The following KIF6 variants were observed in gnomAD, a reference collection of about 807,000 sequenced individuals.
The protein encoded by KIF6 is kinesin family member 6.
In KIF6, 106 loss-of-function variants were observed where a neutral mutation model predicts 112.7. The observed-to-expected ratio is 0.94, with a 90% confidence interval of 0.80 to 1.11. The LOEUF is 1.11. KIF6 is among the 50% of genes least tolerant of loss of function. KIF6 has a pLI of 0.00. For missense variants in KIF6, 929 were observed against 964.0 expected, an observed-to-expected ratio of 0.96 and a Z score of 0.48; for synonymous variants, 339 against 339.9, an observed-to-expected ratio of 1.00 and a Z score of 0.03.
rs575243391 is a variant in KIF6, at chr6:39,605,559, G to T, written c.639+7630C>A. ...ACAGGTAATGATAACACACCAAGGA[G>T]AATTTAGATATCCATTTGTATCATT... is the stretch of plus-strand genomic sequence containing the variant. On this transcript the variant is annotated intron_variant, in intron 6 of 22. Transcript: ENST00000287152. 5.6e-4 allele frequency among the ~76,000 whole-genome samples: 85 copies of T among 152,082 alleles called. No individual in the cohort carries two copies. The South Asian group carries it at 0.016, about 29-fold the overall frequency.
rs1762775775 is a variant in KIF6 at position 39,332,386 on chromosome 6, A to G, written c.*4146T>C. ...CTGGTTTCTTTTTGGTTTGTTTTTC[A>G]TATTCCTTTAGATATTTTGAAGCTT... is the stretch of plus-strand genomic sequence containing the variant. On this transcript the variant is annotated 3_prime_UTR_variant, in exon 23 of 23. Transcript: ENST00000287152. 1.3e-5 allele frequency: 2 copies of G among 151,892 alleles called. No homozygotes were observed. The highest frequency in any genetic ancestry group is 1.3e-4 in the Admixed American group (2 of 15,246). The allele number at this position is 151,892 out of a possible 1,614,324, so 9.4% of individuals were successfully genotyped here.
At chr6:39,605,024 A>C (rs1782807502) in intron 6 of KIF6, among the ~76,000 whole-genome samples, 1 of 152,146 alleles carries the variant, frequency 6.6e-6, no homozygotes, top group Non-Finnish European at 1.5e-5. Flanking sequence ...ATTGTGGTAC[A>C]TATGGGAAAC....
chr6:39,350,012 G>A (rs1764118907), intron 19 of KIF6, among the ~76,000 whole-genome samples: 1 of 152,130 alleles, frequency 6.6e-6, no homozygotes, highest in African/African-American at 2.4e-5. Flanking sequence ...GGGCCTCAGT[G>A]TCCTCATTTA....
In KIF6 at chr6:39,725,263, G is replaced by T. The variant is rs1420799866; in HGVS notation, c.48C>A (p.Val16=). ...CCCGTACCCCTTGTTGGTGCTTCCGGACAGGGGGCTTCACCCTCGCGAATA... is the reference window on the plus strand; with the variant it reads ...CCCGTACCCCTTGTTGGTGCTTCCGTACAGGGGGCTTCACCCTCGCGAATA... The part of the protein sequence containing the change: ...IQIFARVKPP[V]RKHQQGIYSI... Residue 16 remains valine, a synonymous_variant, in exon 1 of 23, where the codon GTC becomes GTA. Transcript: ENST00000287152. 6.2e-7 allele frequency: 1 copy of T among 1,610,116 alleles called. No individual in the cohort carries two copies. The highest frequency in any genetic ancestry group is 1.3e-5 in the African/African-American group (1 of 74,236).
In KIF6 at chr6:39,345,713, G is replaced by C; in HGVS notation, c.2308C>G (p.Pro770Ala). The change falls in exon 21 of 23, where the codon CCA (proline) becomes GCA (alanine). Residue 770 changes from proline to alanine, a missense_variant. Coordinates refer to ENST00000287152, the MANE Select transcript of KIF6 (RefSeq NM_145027.6). ...HSQKQSSTST[P>A]LEDSIPKRPV... ...AAGACCACAGACCTGTCTTCCAGTG[G>C]GGTGCTGGTGCTGCTCTGTTTCTGG... The C allele has an allele frequency of 6.2e-7, 1 of 1,613,450 alleles. No homozygotes were observed. The highest frequency in any genetic ancestry group is 8.5e-7 in the Non-Finnish European group (1 of 1,179,790).
chr6:39,696,070 T>C (rs1357311051), intron 3 of KIF6, among the ~76,000 whole-genome samples: 1 of 152,058 alleles, frequency 6.6e-6, no homozygotes, highest in Non-Finnish European at 1.5e-5. Flanking sequence ...AAGTGGGAGC[T>C]AGGCATTGGG....
At chr6:39,419,281 G>A (rs1373590300) in intron 15 of KIF6, among the ~76,000 whole-genome samples, 3 of 150,986 alleles carry the variant, frequency 2.0e-5, no homozygotes, top group Non-Finnish European at 4.4e-5. Flanking sequence ...TTGAACCTGG[G>A]AGGTGGAGGT....
intron 15 of KIF6, among the ~76,000 whole-genome samples, chr6:39,414,179 G>A (rs916576970): frequency 2.0e-5 from 3 of 152,102 alleles, no homozygotes; most frequent in Middle Eastern, 3.4e-3. Flanking sequence ...TCTGGTCCCC[G>A]ATGACTCCTC....
intron 12 of KIF6, among the ~76,000 whole-genome samples, chr6:39,542,864 C>T (rs1778863107): frequency 6.6e-6 from 1 of 152,172 alleles, no homozygotes; most frequent in Non-Finnish European, 1.5e-5. Flanking sequence ...GCTAGGATTT[C>T]AATCCAGGTA....
At chr6:39,354,990 C>A (rs1402337689) in intron 19 of KIF6, among the ~76,000 whole-genome samples, 2 of 152,112 alleles carry the variant, frequency 1.3e-5, no homozygotes, top group Non-Finnish European at 2.9e-5. Flanking sequence ...CCAGCCTGGG[C>A]AACATGGTGA....
At chr6:39,376,497 A>G (rs550597164) in intron 16 of KIF6, among the ~76,000 whole-genome samples, 1 of 152,362 alleles carries the variant, frequency 6.6e-6, no homozygotes, top group East Asian at 1.9e-4. Context: ...TTACAGATGT[A>G]GAAACCTGAG....
At chr6:39,359,044 AT>A (rs1315890710) in intron 18 of KIF6, among the ~76,000 whole-genome samples, 1 of 152,168 alleles carries the variant, frequency 6.6e-6, no homozygotes, top group Non-Finnish European at 1.5e-5. Context: ...TATCTCGTGT[AT>A]TTAATTTTAT....
chr6:39,719,413 T>C (rs956017891), intron 2 of KIF6, among the ~76,000 whole-genome samples: 1 of 152,030 alleles, frequency 6.6e-6, no homozygotes, highest in East Asian at 1.9e-4. Context: ...AAGGCAGGAA[T>C]AGTCTCAAAA....
chr6:39,487,778 A>G (rs954680055), intron 13 of KIF6, among the ~76,000 whole-genome samples: 1 of 152,190 alleles, frequency 6.6e-6, no homozygotes, highest in Admixed American at 6.5e-5. Flanking sequence ...AGATGTGATT[A>G]TTTCTATCTT....
intron 5 of KIF6, among the ~76,000 whole-genome samples, chr6:39,628,157 T>C (rs891299977): frequency 6.6e-6 from 1 of 152,106 alleles, no homozygotes; most frequent in Non-Finnish European, 1.5e-5. Context: ...CTTGCAAAAC[T>C]ATAGTATTAA....
chr6:39,557,782 G>A lies in KIF6; in HGVS notation c.1182-12094C>T, dbSNP rs190119431. 5.9e-5 allele frequency among the ~76,000 whole-genome samples: 9 copies of A among 151,662 alleles called. No homozygotes were observed. The East Asian group carries it at 9.7e-4, about 16-fold the overall frequency. On this transcript the variant is annotated intron_variant, in intron 10 of 22. Coordinates refer to ENST00000287152, the MANE Select transcript of KIF6 (RefSeq NM_145027.6). ...TACACATATACAGATATAGAAAGAC[G>A]TCACAATTAAATGAAAAACACAAGT...
At chr6:39,716,141 G>C (rs1789836299) in intron 2 of KIF6, among the ~76,000 whole-genome samples, 1 of 152,176 alleles carries the variant, frequency 6.6e-6, no homozygotes, top group Non-Finnish European at 1.5e-5. Flanking sequence ...AAAGAAGGCA[G>C]TGAATCACAC....
chr6:39,396,345 A>G (rs1435613577), intron 15 of KIF6, among the ~76,000 whole-genome samples: 1 of 152,158 alleles, frequency 6.6e-6, no homozygotes, highest in Non-Finnish European at 1.5e-5. Flanking sequence ...ACTCACCTCC[A>G]TGGGAGTGGC....
intron 9 of KIF6, among the ~76,000 whole-genome samples, chr6:39,579,488 T>C (rs1467071520): frequency 6.6e-6 from 1 of 152,130 alleles, no homozygotes; most frequent in East Asian, 1.9e-4. Flanking sequence ...CTTCGTTAGT[T>C]TTATGCAATG....
Sources: gnomAD v4.1 joint callset for allele counts (sites outside exome capture counted in the v4.1 genomes callset) on GRCh38, gnomAD v4.1.1 for gene constraint, MANE v1.5 for transcripts, NCBI Gene and HGNC (gene_info 2026-07-23, HGNC 2026-07-21) for gene names.